Variants in MYBL1 observed in about 807,000 individuals in gnomAD.
The protein encoded by MYBL1 is myb-related protein A.
MYBL1 carries 17 observed loss-of-function variants against 96.3 expected under a neutral mutation model. The observed-to-expected ratio is 0.18, with a 90% CI of 0.12 to 0.26. The LOEUF is 0.26. MYBL1 is among the 10% of genes least tolerant of loss of function. MYBL1 has a pLI of 1.00. For missense variants in MYBL1, 701 were observed against 882.9 expected, an observed-to-expected ratio of 0.79 and a Z score of 2.61; for synonymous variants, 282 against 292.7, an observed-to-expected ratio of 0.96 and a Z score of 0.37.
rs1278542666 is a variant in MYBL1 at position 66,580,346 on chromosome 8, G to C, written c.888C>G (p.Ser296Arg). The C allele has an allele frequency of 6.2e-7, 1 of 1,603,194 alleles. No individual in the cohort carries two copies. Among genetic ancestry groups the C allele is most frequent in the South Asian group, 1.1e-5 (1 of 90,182 alleles). ...CATCCATGAGGAAACTACCAGACCAGCTAGAAAAACTTCCAGGCTGCTAAA... is the reference window on the plus strand; with the variant it reads ...CATCCATGAGGAAACTACCAGACCACCTAGAAAAACTTCCAGGCTGCTAAA... The part of the protein sequence containing the change: ...RIPSQPGSFS[S>R]WSGSFLMDDN... The change falls in exon 9 of 16, where the codon AGC becomes AGG. Residue 296 changes from serine (S) to arginine (R), a missense_variant. By Grantham distance (110) the Ser-to-Arg change is moderately radical. Coordinates refer to ENST00000522677, the MANE Select transcript of MYBL1 (RefSeq NM_001080416.4).
At chr8:66,584,551 AAC>A (rs1370486020) in intron 8 of MYBL1, among the ~76,000 whole-genome samples, 21 of 152,274 alleles carry the variant, frequency 1.4e-4, no homozygotes, top group Non-Finnish European at 2.8e-4. Context: ...ACAAAACATC[AAC>A]ACACAAAAAA....
At chr8:66,602,784 C>T (rs1427087413) in intron 1 of MYBL1, among the ~76,000 whole-genome samples, 6 of 125,156 alleles carry the variant, frequency 4.8e-5, no homozygotes, top group African/African-American at 1.6e-4. Flanking sequence ...CTCGCTCTGT[C>T]GCCCAGGCTG....
At chr8:66,608,435 C>A (rs995729108) in intron 1 of MYBL1, among the ~76,000 whole-genome samples, 10 of 152,038 alleles carry the variant, frequency 6.6e-5, no homozygotes, top group Non-Finnish European at 1.3e-4. Context: ...ATCAAGTTAT[C>A]TCTACATATA....
intron 9 of MYBL1, among the ~76,000 whole-genome samples, chr8:66,576,884 C>G (rs1563532087): frequency 6.6e-6 from 1 of 152,184 alleles, no homozygotes; most frequent in Non-Finnish European, 1.5e-5. Context: ...CCACCATGAT[C>G]AAGCAGGCTT....
intron 1 of MYBL1, among the ~76,000 whole-genome samples, chr8:66,606,112 A>G (rs1186105348): frequency 2.0e-5 from 3 of 152,200 alleles, no homozygotes; most frequent in African/African-American, 7.2e-5. Context: ...GGAAGATACT[A>G]AAGACAAACC....
Position 66,580,217 on chromosome 8 carries a change from C to A in MYBL1, c.1017G>T (p.Lys339Asn). The A allele has an allele frequency of 6.2e-7, 1 of 1,613,966 alleles. No individual in the cohort carries two copies. Among genetic ancestry groups the A allele is most frequent in the Non-Finnish European group, 8.5e-7 (1 of 1,179,878 alleles). Residue 339 changes from lysine to asparagine, a missense_variant, in exon 9 of 16, where the codon AAG becomes AAT. Physicochemically the swap from Lys to Asn is moderately conservative, Grantham distance 94 (BLOSUM62 0). Around this residue, in one of 5 missense-constraint regions of MYBL1, gnomAD observed 396 missense variants for 407.4 expected, o/e 0.97. Coordinates refer to ENST00000522677, the MANE Select transcript of MYBL1 (RefSeq NM_001080416.4). ...CAGCGTTTGCCTCCACGGCCAGGAA[C>A]TTTGTGGGTGAATTCTGCTGAGCAG... ...PVSAQQNSPT[K>N]FLAVEANAVL... is the part of the protein sequence containing the mutation.
At chr8:66,604,598 T>C (rs1380822293) in intron 1 of MYBL1, among the ~76,000 whole-genome samples, 2 of 151,814 alleles carry the variant, frequency 1.3e-5, no homozygotes, top group African/African-American at 4.8e-5. Context: ...GAAACCATAA[T>C]AGTACTATAA....
chr8:66,606,008 C>G (rs1180580267), intron 1 of MYBL1, among the ~76,000 whole-genome samples: 2 of 152,106 alleles, frequency 1.3e-5, no homozygotes, highest in African/African-American at 4.8e-5. Flanking sequence ...GAATAGGAAA[C>G]TTTGACTCAG....
Position 66,597,524 on chromosome 8 carries a change from C to G in MYBL1, c.318G>C (p.Gly106=). ...TTGCAATTAAAGACCATCTTTTTGG[C>G]CCATATTTCTGAACTAATTCAATAA... ...QRVIELVQKY[G]PKRWSLIAKH... is the part of the protein sequence containing the mutation. The change falls in exon 5 of 16, where the codon GGG becomes GGC. Residue 106 remains glycine (G), a synonymous_variant. Transcript: ENST00000522677. 1 of 1,611,234 alleles carries G rather than the reference C, an allele frequency of 6.2e-7. No homozygotes were observed. Among genetic ancestry groups the G allele is most frequent in the Non-Finnish European group, 8.5e-7 (1 of 1,178,336 alleles).
chr8:66,567,540 T>C (rs1043943282), intron 12 of MYBL1, among the ~76,000 whole-genome samples: 3 of 152,098 alleles, frequency 2.0e-5, no homozygotes, highest in Non-Finnish European at 2.9e-5. Context: ...TGTGTGTGTG[T>C]GTGTGTGTGT....
At chr8:66,603,676 G>A (rs1174188963) in intron 1 of MYBL1, among the ~76,000 whole-genome samples, 1 of 151,804 alleles carries the variant, frequency 6.6e-6, no homozygotes, top group East Asian at 1.9e-4. Flanking sequence ...ATTTTTTGTA[G>A]AGATGGGGTT....
chr8:66,587,649 T>C (rs1586577536), intron 8 of MYBL1, among the ~76,000 whole-genome samples: 1 of 152,310 alleles, frequency 6.6e-6, no homozygotes, highest in East Asian at 1.9e-4. Flanking sequence ...GTGTGTTGGA[T>C]CTTTTTCTCA....
chr8:66,599,908 T>A (rs911503452), intron 3 of MYBL1, among the ~76,000 whole-genome samples: 12 of 152,226 alleles, frequency 7.9e-5, no homozygotes, highest in African/African-American at 2.4e-4. Context: ...ATTGCTATAC[T>A]ACTGCATAGG....
rs1444510610 is a variant in MYBL1, at chr8:66,562,671, G to A, written c.*2026C>T. The A allele has an allele frequency of 6.6e-6, 1 of 152,170 alleles. No individual in the cohort carries two copies. The highest frequency in any genetic ancestry group is 2.1e-4 in the South Asian group (1 of 4,824). 9.4% of individuals were successfully genotyped at this position (152,170 alleles called of 1,614,324 possible). On this transcript the variant is annotated 3_prime_UTR_variant, in exon 16 of 16. Coordinates refer to ENST00000522677, the MANE Select transcript of MYBL1 (RefSeq NM_001080416.4). ...TGCAGACTATGTATATCCAGGTAAG[G>A]GCTACATTAAAAACAACAACAACAA...
intron 8 of MYBL1, among the ~76,000 whole-genome samples, chr8:66,583,474 A>G (rs568810955): frequency 6.6e-6 from 1 of 152,138 alleles, no homozygotes; most frequent in African/African-American, 2.4e-5. Context: ...AATAAAAATC[A>G]AAGCAGAAAT....
chr8:66,597,215 AT>A, intron 5 of MYBL1, 114 bp downstream of exon 5: 5 of 760,458 alleles, frequency 6.6e-6, no homozygotes, highest in Non-Finnish European at 7.9e-6. Flanking sequence ...TATAGTCTAC[AT>A]TTTAATTACA....
Position 66,595,701 on chromosome 8 carries a change from T to G in MYBL1, c.569A>C (p.Gln190Pro), listed in dbSNP as rs1353834721. 6.3e-7 allele frequency: 1 copy of G among 1,580,096 alleles called. No individual in the cohort carries two copies. Reference sequence around the variant, plus strand: ...TATTCCATCTTGTAAATAGCCCTCCTGTTCCACTTTTCTTCGCATAGTAGA... The same window carrying G: ...TATTCCATCTTGTAAATAGCCCTCCGGTTCCACTTTTCTTCGCATAGTAGA... ...WNSTMRRKVE[Q>P]EGYLQDGIKS... The change falls in exon 6 of 16, where the codon CAG becomes CCG. Residue 190 changes from glutamine (Q) to proline (P), a missense_variant. By Grantham distance (76) the Gln-to-Pro change is moderately conservative. Coordinates refer to ENST00000522677, the MANE Select transcript of MYBL1 (RefSeq NM_001080416.4).
chr8:66,603,488 CTT>C (rs761761993), intron 1 of MYBL1, among the ~76,000 whole-genome samples: 14 of 144,356 alleles, frequency 9.7e-5, no homozygotes, highest in Non-Finnish European at 7.6e-5. Context: ...AACATTCTGA[CTT>C]TTTTTTTTTT....
chr8:66,604,757 G>T (rs956606393), intron 1 of MYBL1, among the ~76,000 whole-genome samples: 1 of 152,140 alleles, frequency 6.6e-6, no homozygotes, highest in Non-Finnish European at 1.5e-5. Flanking sequence ...TTAAAAAGTA[G>T]AAAAGAAAGG....
Sources: allele counts gnomAD v4.1 joint callset (sites outside exome capture counted in the v4.1 genomes callset), GRCh38; gene constraint gnomAD v4.1.1; regional missense constraint gnomAD v4.1.1; transcripts MANE v1.5; gene names NCBI Gene and HGNC (gene_info 2026-07-23, HGNC 2026-07-21).